KIAA1217: variants seen among roughly 807,000 people sequenced by gnomAD.
KIAA1217 encodes the protein KIAA1217, also known as sickle tail protein homolog.
A neutral mutation model predicts 163.9 loss-of-function variants in KIAA1217; 88 were observed. The observed-to-expected ratio is 0.54, with a 90% CI of 0.45 to 0.64. The LOEUF is 0.64. Among genes scored for constraint, KIAA1217 ranks in the 30% least tolerant of loss-of-function variants. The probability of loss-of-function intolerance (pLI) is 0.00; values close to 1 mark genes in which losing one functional copy is unlikely to be tolerated. For missense variants in KIAA1217, 2,372 were observed against 2,475.0 expected, an observed-to-expected ratio of 0.96 and a Z score of 0.88; for synonymous variants, 903 against 923.1, an observed-to-expected ratio of 0.98 and a Z score of 0.39.
chr10:24,100,918 C>T (rs2062388184), intron 2 of KIAA1217, among the ~76,000 whole-genome samples: 1 of 152,040 alleles, frequency 6.6e-6, no homozygotes, highest in Non-Finnish European at 1.5e-5. Flanking sequence ...ATTAAATGCC[C>T]TAAAAATATA....
At chr10:23,728,328 T>C (rs1229204847) in intron 1 of KIAA1217, among the ~76,000 whole-genome samples, 1 of 152,184 alleles carries the variant, frequency 6.6e-6, no homozygotes, top group Non-Finnish European at 1.5e-5. Context: ...CAGCATCTGT[T>C]GTTTCCTGAC....
chr10:24,126,585 A>T (rs2063481111), intron 2 of KIAA1217, among the ~76,000 whole-genome samples: 1 of 152,118 alleles, frequency 6.6e-6, no homozygotes, highest in East Asian at 1.9e-4. Context: ...ACTGTATACA[A>T]ATATGTAGCC....
intron 1 of KIAA1217, among the ~76,000 whole-genome samples, chr10:23,760,559 AT>A (rs1475334346): frequency 6.6e-6 from 1 of 152,174 alleles, no homozygotes; most frequent in East Asian, 1.9e-4. Context: ...TCAAAGTGTT[AT>A]TTTGCCAATG....
chr10:24,040,894 G>A (rs899069145), intron 2 of KIAA1217, among the ~76,000 whole-genome samples: 2 of 152,196 alleles, frequency 1.3e-5, no homozygotes, highest in African/African-American at 4.8e-5. Context: ...CATTTCAGTT[G>A]ATCTATGTAG....
intron 16 of KIAA1217, 119 bp downstream of exon 16, chr10:24,533,356 A>C: frequency 1.0e-6 from 1 of 981,080 alleles, no homozygotes; most frequent in Non-Finnish European, 1.4e-6. Flanking sequence ...GGACCATAGA[A>C]GCTGTGTCTT....
chr10:23,827,366 C>T (rs539713221), intron 1 of KIAA1217, among the ~76,000 whole-genome samples: 2 of 152,264 alleles, frequency 1.3e-5, no homozygotes, highest in African/African-American at 4.8e-5. Context: ...ACCTTTGTTT[C>T]CATTGATTTC....
chr10:24,242,527 T>C (rs2073229912), intron 2 of KIAA1217, among the ~76,000 whole-genome samples: 1 of 152,178 alleles, frequency 6.6e-6, no homozygotes, highest in African/African-American at 2.4e-5. Flanking sequence ...TCCATGTCTT[T>C]GTGGATAGCA....
intron 2 of KIAA1217, among the ~76,000 whole-genome samples, chr10:24,314,473 G>T (rs907121888): frequency 6.6e-6 from 1 of 152,166 alleles, no homozygotes; most frequent in African/African-American, 2.4e-5. Context: ...TGCATGTATG[G>T]TGTCTGTGTG....
chr10:24,113,781 T>C (rs1329902016), intron 2 of KIAA1217, among the ~76,000 whole-genome samples: 1 of 152,216 alleles, frequency 6.6e-6, no homozygotes, highest in Non-Finnish European at 1.5e-5. Flanking sequence ...CCTCCCGGCT[T>C]TTGGGAACAC....
At chr10:24,090,326 C>T (rs1333738258) in intron 2 of KIAA1217, among the ~76,000 whole-genome samples, 1 of 135,776 alleles carries the variant, frequency 7.4e-6, no homozygotes, top group Non-Finnish European at 1.5e-5. Flanking sequence ...ACCCTCACAT[C>T]CTGCTCTTTT....
At chr10:24,226,021 A>G (rs1471186209) in intron 2 of KIAA1217, among the ~76,000 whole-genome samples, 1 of 152,200 alleles carries the variant, frequency 6.6e-6, no homozygotes, top group Non-Finnish European at 1.5e-5. Flanking sequence ...TCAATGATTG[A>G]TTGCAGTTTG....
intron 12 of KIAA1217, among the ~76,000 whole-genome samples, chr10:24,523,423 AAAAG>A (rs2134665365): frequency 6.6e-6 from 1 of 152,330 alleles, no homozygotes; most frequent in African/African-American, 2.4e-5. Flanking sequence ...TTGGGGTAAA[AAAAG>A]AAACAGCAAA....
chr10:23,874,285 T>C (rs565528044), intron 1 of KIAA1217, among the ~76,000 whole-genome samples: 23 of 152,168 alleles, frequency 1.5e-4, no homozygotes, highest in African/African-American at 5.3e-4. Flanking sequence ...TTTTATATTT[T>C]CTGAGCAAAG....
At chr10:23,943,151 A>G (rs1448775311) in intron 1 of KIAA1217, among the ~76,000 whole-genome samples, 1 of 152,014 alleles carries the variant, frequency 6.6e-6, no homozygotes, top group African/African-American at 2.4e-5. Flanking sequence ...AAATTCACAT[A>G]TATTTTATAC....
At chr10:24,074,683 C>G (rs1336863883) in intron 2 of KIAA1217, among the ~76,000 whole-genome samples, 4 of 146,548 alleles carry the variant, frequency 2.7e-5, no homozygotes, top group African/African-American at 1.0e-4. Flanking sequence ...CTTCTTCTTC[C>G]TCTTCCTCTT....
intron 6 of KIAA1217, among the ~76,000 whole-genome samples, chr10:24,491,670 G>A (rs1167149359): frequency 6.6e-6 from 1 of 152,120 alleles, no homozygotes; most frequent in Admixed American, 6.5e-5. Context: ...GCAGAAAGAA[G>A]GCTGGTCTAG....
chr10:23,719,246 G>A (rs1837733118), intron 1 of KIAA1217, among the ~76,000 whole-genome samples: 1 of 152,164 alleles, frequency 6.6e-6, no homozygotes, highest in Non-Finnish European at 1.5e-5. Flanking sequence ...ACTGATACAT[G>A]CTACAGTATG....
rs754414658 is a variant in KIAA1217 at position 23,757,297 on chromosome 10, A to G, written c.-321+62063A>G. Among the ~76,000 whole-genome samples, 13 of 152,122 alleles carry G rather than the reference A, an allele frequency of 8.5e-5. 1 individual carries two copies. Among genetic ancestry groups the G allele is most frequent in the Admixed American group, 2.0e-4 (3 of 15,268 alleles). On this transcript the variant is annotated intron_variant, in intron 1 of 18. Coordinates refer to the KIAA1217 transcript ENST00000376462. ...TTTTAATTTCTTGAGGAACCACCAT[A>G]GTGTTTTCCACAGTGACTGTACCAT...
intron 1 of KIAA1217, among the ~76,000 whole-genome samples, chr10:23,700,535 A>T (rs1344044580): frequency 2.6e-5 from 4 of 152,036 alleles, no homozygotes; most frequent in African/African-American, 9.7e-5. Flanking sequence ...ATTACAAATA[A>T]GATTCTACAT....
Sources: allele counts gnomAD v4.1 joint callset (sites outside exome capture counted in the v4.1 genomes callset), GRCh38; gene constraint gnomAD v4.1.1; transcripts MANE v1.5; gene names NCBI Gene and HGNC (gene_info 2026-07-23, HGNC 2026-07-21).